SLC8A1: variants seen among roughly 807,000 people sequenced by gnomAD.
SLC8A1 encodes the protein solute carrier family 8 member A1.
Under a neutral mutation model 68.3 loss-of-function variants are expected in SLC8A1, and 18 were observed. The observed-to-expected ratio is 0.26, with a 90% CI of 0.18 to 0.39. The LOEUF is 0.39. SLC8A1 is among the 10% of genes least tolerant of loss of function. The pLI is 1.00. For missense variants in SLC8A1, 985 were observed against 1,156.7 expected (o/e 0.85, Z 2.15); for synonymous variants, 475 against 415.5 (o/e 1.14, Z -1.74).
At chr2:40,312,728 CT>C (rs1204711570) in intron 2 of SLC8A1, among the ~76,000 whole-genome samples, 1 of 152,044 alleles carries the variant, frequency 6.6e-6, no homozygotes, top group Admixed American at 6.6e-5. Context: ...GAAGTTCCTA[CT>C]TTTAGATTTG....
chr2:40,304,664 T>G (rs1422838868), intron 2 of SLC8A1, among the ~76,000 whole-genome samples: 5 of 152,158 alleles, frequency 3.3e-5, no homozygotes, highest in Non-Finnish European at 5.9e-5. Context: ...GTGCCCCTTT[T>G]CTTGACCCAG....
At chr2:40,509,624 C>T (rs889905900) in intron 1 of SLC8A1, among the ~76,000 whole-genome samples, 1 of 151,882 alleles carries the variant, frequency 6.6e-6, no homozygotes, top group Non-Finnish European at 1.5e-5. Context: ...CTAAAAAGTG[C>T]TTCCTCCTCT....
chr2:40,271,822 G>A (rs1020688754), intron 2 of SLC8A1, among the ~76,000 whole-genome samples: 5 of 151,854 alleles, frequency 3.3e-5, no homozygotes, highest in East Asian at 1.9e-4. Flanking sequence ...TTTTCTTTCC[G>A]GAGTCAACTT....
chr2:40,422,961 T>C (rs991444061), intron 2 of SLC8A1, among the ~76,000 whole-genome samples: 3 of 152,114 alleles, frequency 2.0e-5, no homozygotes, highest in Admixed American at 6.6e-5. Flanking sequence ...TATTATAATA[T>C]CACATGTATG....
intron 2 of SLC8A1, among the ~76,000 whole-genome samples, chr2:40,406,841 T>C (rs1690510916): frequency 6.6e-6 from 1 of 152,246 alleles, no homozygotes; most frequent in African/African-American, 2.4e-5. Flanking sequence ...CTTGCCACTT[T>C]GGATTGAAAC....
chr2:40,362,749 A>G (rs376234975), intron 2 of SLC8A1, among the ~76,000 whole-genome samples: 2 of 152,156 alleles, frequency 1.3e-5, no homozygotes, highest in African/African-American at 4.8e-5. Context: ...AATTTACATC[A>G]TAGTTGCATC....
chr2:40,146,390 A>G (rs995617245), intron 6 of SLC8A1, among the ~76,000 whole-genome samples: 1 of 152,204 alleles, frequency 6.6e-6, no homozygotes, highest in African/African-American at 2.4e-5. Flanking sequence ...TCTGGCAGTC[A>G]GCTCAGGCTG....
intron 2 of SLC8A1, among the ~76,000 whole-genome samples, chr2:40,242,147 CGTGTGT>C (rs957918477): frequency 1.3e-5 from 2 of 150,194 alleles, no homozygotes; most frequent in Admixed American, 6.6e-5. Context: ...TGTGTGTGTG[CGTGTGT>C]GTGTGTGAGA....
At chr2:40,495,023 T>TTGGTACCCAAAAAAATCATACTGC (rs1705600323) in intron 1 of SLC8A1, among the ~76,000 whole-genome samples, 1 of 151,502 alleles carries the variant, frequency 6.6e-6, no homozygotes, top group Admixed American at 6.6e-5. Flanking sequence ...GAGGTAAGGT[T>TTGGTACCCAAAAAAATCATACTGC]TGGTACCCAA....
chr2:40,154,757 T>C (rs1171585944), intron 6 of SLC8A1, among the ~76,000 whole-genome samples: 2 of 152,108 alleles, frequency 1.3e-5, no homozygotes, highest in African/African-American at 2.4e-5. Flanking sequence ...CTTGAACTCC[T>C]GGGCTCAGGT....
intron 6 of SLC8A1, 79 bp from the exon 10 acceptor site, chr2:40,139,755 G>C (rs1482266615): frequency 1.5e-5 from 22 of 1,486,164 alleles, no homozygotes; most frequent in African/African-American, 2.8e-5. Flanking sequence ...CTCCTATCTA[G>C]GTCGGTCATC....
At chr2:40,209,695 G>C (rs535954208) in intron 2 of SLC8A1, among the ~76,000 whole-genome samples, 2 of 152,272 alleles carry the variant, frequency 1.3e-5, no homozygotes, top group South Asian at 4.1e-4. Flanking sequence ...AGAGTATAGA[G>C]TGATAGACGC....
chr2:40,406,517 G>C (rs1056171465), intron 2 of SLC8A1, among the ~76,000 whole-genome samples: 1 of 152,282 alleles, frequency 6.6e-6, no homozygotes, highest in Middle Eastern at 3.4e-3. Context: ...TTCACTATCA[G>C]ACAAGTGAGG....
chr2:40,510,683 G>A (rs910828090), intron 1 of SLC8A1, among the ~76,000 whole-genome samples: 3 of 151,920 alleles, frequency 2.0e-5, no homozygotes, highest in Non-Finnish European at 4.4e-5. Flanking sequence ...AAAAAAGAAG[G>A]CATAGTTTAT....
At chr2:40,224,583 A>C (rs2058741589) in intron 2 of SLC8A1, among the ~76,000 whole-genome samples, 1 of 152,090 alleles carries the variant, frequency 6.6e-6, no homozygotes, top group South Asian at 2.1e-4. Context: ...AAATGAAAAA[A>C]ATACATAATT....
At chr2:40,252,584 TTGGCCTCCCAAAGTGC>T (rs1340760584) in intron 2 of SLC8A1, among the ~76,000 whole-genome samples, 1 of 152,100 alleles carries the variant, frequency 6.6e-6, no homozygotes, top group African/African-American at 2.4e-5. Context: ...TCCACCTGCC[TTGGCCTCCCAAAGTGC>T]TGGGATGACA....
At chr2:40,265,561 T>C (rs770550069) in intron 2 of SLC8A1, among the ~76,000 whole-genome samples, 10 of 152,204 alleles carry the variant, frequency 6.6e-5, no homozygotes, top group Non-Finnish European at 1.2e-4. Context: ...CAGAACCCTT[T>C]ATTTCCCATA....
chr2:40,179,113 C>A (rs184393720), intron 2 of SLC8A1, among the ~76,000 whole-genome samples: 2 of 152,214 alleles, frequency 1.3e-5, no homozygotes, highest in Admixed American at 6.5e-5. Context: ...TAGTCAGATT[C>A]TCCAGCTAGA....
exon 8 of SLC8A1, chr2:40,108,370 A>G (rs1294411055): frequency 6.6e-6 from 1 of 152,170 alleles, no homozygotes; most frequent in African/African-American, 2.4e-5. Context: ...TATAAATTGT[A>G]CTGTTGTTTC....
Sources: allele counts gnomAD v4.1 joint callset (sites outside exome capture counted in the v4.1 genomes callset), GRCh38; gene constraint gnomAD v4.1.1; transcripts MANE v1.5; gene names NCBI Gene and HGNC (gene_info 2026-07-23, HGNC 2026-07-21).